The following DYNC2H1 variants were observed in gnomAD, a reference collection of about 807,000 sequenced individuals.
DYNC2H1 encodes dynein cytoplasmic 2 heavy chain 1, also known as cytoplasmic dynein 2 heavy chain 1.
A neutral mutation model predicts 570.0 loss-of-function variants in DYNC2H1; 410 were observed. That is an observed-to-expected ratio of 0.72 (90% CI 0.66 to 0.78). The LOEUF is 0.78. DYNC2H1 is among the 30% of genes least tolerant of loss of function. The pLI, the probability that DYNC2H1 is intolerant of heterozygous loss-of-function variation, is 0.00. For missense variants in DYNC2H1, 4,865 were observed against 5,046.4 expected (o/e 0.96, Z 1.09); for synonymous variants, 1,688 against 1,677.6 (o/e 1.01, Z -0.15).
At chr11:103,116,737 T>C (rs929108257) in intron 5 of DYNC2H1, 23 bp downstream of exon 5, 6 of 1,559,514 alleles carry the variant, frequency 3.8e-6, no homozygotes, top group Admixed American at 3.8e-5. Flanking sequence ...AAATGAACTT[T>C]TGGAATTTTG....
rs2931806 is a variant in DYNC2H1 at position 103,212,625 on chromosome 11, A to C, written c.8694+682A>C. 2.6e-4 allele frequency among the ~76,000 whole-genome samples: 40 copies of C among 152,134 alleles called. 3 individuals carry two copies. In the South Asian group the frequency reaches 7.9e-3, roughly 30 times the overall value. On this transcript the variant is annotated intron_variant, in intron 54 of 88. Transcript: ENST00000375735. ...TTCTTTCCGTATTTCTTTAACTATAAAGCTTTAACTTAAATGTGACATTAG... is the reference window on the plus strand; with the variant it reads ...TTCTTTCCGTATTTCTTTAACTATACAGCTTTAACTTAAATGTGACATTAG...
At chr11:103,451,776 G>T (rs72987479) in intron 85 of DYNC2H1, among the ~76,000 whole-genome samples, 2 of 151,984 alleles carry the variant, frequency 1.3e-5, no homozygotes, top group African/African-American at 4.8e-5. Flanking sequence ...ATTCTGTTGG[G>T]CTAAAAACCT....
rs560186343 is a variant in DYNC2H1, at chr11:103,394,632, C to G, written c.12157-5031C>G. Among the ~76,000 whole-genome samples the G allele has an allele frequency of 2.6e-5, 4 of 151,972 alleles. No homozygotes were observed. The East Asian group carries it at 7.9e-4, about 30-fold the overall frequency. Reference sequence around the variant, plus strand: ...TGAAAGATTATAGAATTTCTAGCTACCCATTTTATAGGATAGCCATCTGCC... The same window carrying G: ...TGAAAGATTATAGAATTTCTAGCTAGCCATTTTATAGGATAGCCATCTGCC... On this transcript the variant is annotated intron_variant, in intron 83 of 88. Transcript: ENST00000375735.
chr11:103,158,474 A>G (rs1349439482), intron 26 of DYNC2H1, among the ~76,000 whole-genome samples: 3 of 152,154 alleles, frequency 2.0e-5, no homozygotes, highest in Non-Finnish European at 2.9e-5. Flanking sequence ...TAGCTTAGCA[A>G]ATGAAATATA....
intron 60 of DYNC2H1, among the ~76,000 whole-genome samples, chr11:103,233,487 A>G (rs1864092529): frequency 1.3e-5 from 2 of 151,996 alleles, no homozygotes; most frequent in Admixed American, 1.3e-4. Context: ...TATATAATGT[A>G]CTAAAATGAA....
At chr11:103,114,651 G>T (rs910110931) in intron 3 of DYNC2H1, among the ~76,000 whole-genome samples, 1 of 152,114 alleles carries the variant, frequency 6.6e-6, no homozygotes, top group Admixed American at 6.6e-5. Flanking sequence ...AGTGAATATT[G>T]AACCTTTGTT....
intron 83 of DYNC2H1, among the ~76,000 whole-genome samples, chr11:103,397,856 GT>G (rs1942462213): frequency 6.6e-6 from 1 of 152,138 alleles, no homozygotes; most frequent in Admixed American, 6.6e-5. Flanking sequence ...TCCAGCCTTG[GT>G]GACAGACAGA....
At chr11:103,221,727 G>A (rs1236986891) in intron 57 of DYNC2H1, among the ~76,000 whole-genome samples, 1 of 152,020 alleles carries the variant, frequency 6.6e-6, no homozygotes, top group Non-Finnish European at 1.5e-5. Flanking sequence ...GTAGTGGCAC[G>A]CACCTGTGGT....
intron 87 of DYNC2H1, among the ~76,000 whole-genome samples, chr11:103,460,719 T>C (rs1038981400): frequency 6.6e-6 from 1 of 151,064 alleles, no homozygotes; most frequent in Non-Finnish European, 1.5e-5. Context: ...AATGAATATA[T>C]ATTTTCATAT....
intron 85 of DYNC2H1, among the ~76,000 whole-genome samples, chr11:103,441,430 T>C (rs1052575861): frequency 2.6e-5 from 4 of 151,730 alleles, no homozygotes; most frequent in Admixed American, 2.6e-4. Context: ...AGTCTAATAC[T>C]CTGTATATTA....
Position 103,135,700 on chromosome 11 carries a change from A to C in DYNC2H1, c.2346-20A>C. The C allele has an allele frequency of 6.2e-7, 1 of 1,604,516 alleles. No homozygotes were observed. Among genetic ancestry groups the C allele is most frequent in the Non-Finnish European group, 8.5e-7 (1 of 1,175,276 alleles). On this transcript the variant is annotated intron_variant, in intron 16 of 88. Coordinates refer to ENST00000375735, the MANE Select transcript of DYNC2H1 (RefSeq NM_001377.3). ...AATTTTCTAACAATTTATGTTTTAAAGTTATTTATTTACTTTTAGACAGGG... is the reference window on the plus strand; with the variant it reads ...AATTTTCTAACAATTTATGTTTTAACGTTATTTATTTACTTTTAGACAGGG...
chr11:103,464,090 A>C (rs1945110890), intron 87 of DYNC2H1, among the ~76,000 whole-genome samples: 1 of 152,240 alleles, frequency 6.6e-6, no homozygotes, highest in South Asian at 2.1e-4. Flanking sequence ...AAAATCATTC[A>C]GATGAAACAG....
chr11:103,148,782 G>A (rs545948707), intron 20 of DYNC2H1, among the ~76,000 whole-genome samples, 165 bp downstream of exon 20: 1 of 152,206 alleles, frequency 6.6e-6, no homozygotes, highest in African/African-American at 2.4e-5. Context: ...CTCTTGGCTG[G>A]GCCTGGTGGC....
chr11:103,267,978 T>C (rs1865573638), intron 70 of DYNC2H1, among the ~76,000 whole-genome samples: 1 of 152,100 alleles, frequency 6.6e-6, no homozygotes, highest in Non-Finnish European at 1.5e-5. Flanking sequence ...TACTACTTCA[T>C]CTACTACTCT....
At chr11:103,141,468 C>G (rs1454306271) in intron 17 of DYNC2H1, among the ~76,000 whole-genome samples, 2 of 152,198 alleles carry the variant, frequency 1.3e-5, no homozygotes. Context: ...TAGAGGTCCA[C>G]TCCAGACCCT....
intron 88 of DYNC2H1, among the ~76,000 whole-genome samples, chr11:103,476,573 C>A (rs909628779): frequency 2.0e-5 from 3 of 152,108 alleles, no homozygotes; most frequent in African/African-American, 7.2e-5. Flanking sequence ...AAATTTAGGA[C>A]AGATGGTGTT....
At chr11:103,362,324 T>A (rs947101737) in intron 83 of DYNC2H1, among the ~76,000 whole-genome samples, 1 of 78,452 alleles carries the variant, frequency 1.3e-5, no homozygotes, top group Non-Finnish European at 2.7e-5. Flanking sequence ...TTTTTTCTTT[T>A]TTTTTTTTCT....
At chr11:103,222,177 AT>A in intron 58 of DYNC2H1, 24 bp downstream of exon 58, 1 of 1,468,540 alleles carries the variant, frequency 6.8e-7, no homozygotes, top group Non-Finnish European at 9.2e-7. Flanking sequence ...TATACTATAA[AT>A]TTGTTTTTCC....
intron 55 of DYNC2H1, among the ~76,000 whole-genome samples, chr11:103,216,111 A>G (rs1198893295): frequency 6.6e-6 from 1 of 152,104 alleles, no homozygotes; most frequent in Non-Finnish European, 1.5e-5. Context: ...TTAAATTGGC[A>G]TGGATCTGTC....
Sources: gnomAD v4.1 joint callset for allele counts (sites outside exome capture counted in the v4.1 genomes callset) on GRCh38, gnomAD v4.1.1 for gene constraint, MANE v1.5 for transcripts, NCBI Gene and HGNC (gene_info 2026-07-23, HGNC 2026-07-21) for gene names.